The following AHCYL1 variants were observed in gnomAD, a reference collection of about 807,000 sequenced individuals.
AHCYL1 encodes S-adenosylhomocysteine hydrolase-like protein 1.
AHCYL1 carries 20 observed loss-of-function variants against 79.3 expected under a neutral mutation model. The observed-to-expected ratio is 0.25, with a 90% CI of 0.18 to 0.37. The LOEUF (loss-of-function observed/expected upper bound fraction) is 0.37, where lower values mean the gene tolerates loss of function less well. AHCYL1 is among the 10% of genes least tolerant of loss of function. The pLI is 1.00. For synonymous variants in AHCYL1, 223 were observed against 242.2 expected (o/e 0.92, Z 0.74); for missense variants, 330 against 673.6 (o/e 0.49, Z 5.65).
In AHCYL1 at chr1:110,018,429, G is replaced by A. The variant is rs747665671; in HGVS notation, c.1180G>A (p.Val394Ile). The change falls in exon 12 of 17, where the codon GTA (valine) becomes ATA (isoleucine). Residue 394 changes from valine (V) to isoleucine (I), a missense_variant. Physicochemically the swap from Val to Ile is conservative, Grantham distance 29. Around this residue, in one of 6 missense-constraint regions of AHCYL1, gnomAD observed 119 missense variants for 293.3 expected, o/e 0.41. Transcript: ENST00000369799. ...HLDRMKNSCI[V>I]CNMGHSNTEI... ...GGATCGCATGAAAAACAGTTGTATC[G>A]TATGCAATATGGGCCACTCCAACAC... The A allele has an allele frequency of 2.0e-5, 33 of 1,614,042 alleles. No homozygotes were observed. Among genetic ancestry groups the A allele is most frequent in the Non-Finnish European group, 2.5e-5 (29 of 1,180,036 alleles).
At chr1:110,007,199 G>T in intron 1 of AHCYL1, among the ~76,000 whole-genome samples, 1 of 152,100 alleles carries the variant, frequency 6.6e-6, no homozygotes, top group East Asian at 1.9e-4. Flanking sequence ...CTGGGAACAT[G>T]CCCAGAACCC....
At chr1:110,016,855 C>A in intron 9 of AHCYL1, 125 bp downstream of exon 9, 1 of 997,970 alleles carries the variant, frequency 1.0e-6, no homozygotes, top group Non-Finnish European at 1.5e-6. Flanking sequence ...GATAATGTAT[C>A]TCAAACAATA....
intron 13 of AHCYL1, 71 bp from the exon 14 acceptor site, chr1:110,018,980 C>A: frequency 6.8e-7 from 1 of 1,461,476 alleles, no homozygotes; most frequent in Non-Finnish European, 9.6e-7. Flanking sequence ...TCCTCTCCCG[C>A]TTTGGCTTGA....
At chr1:110,004,669 G>A in intron 1 of AHCYL1, among the ~76,000 whole-genome samples, 1 of 152,140 alleles carries the variant, frequency 6.6e-6, no homozygotes. Context: ...TATAGTCCTA[G>A]CTACTCAGGA....
intron 5 of AHCYL1, among the ~76,000 whole-genome samples, chr1:110,013,840 G>T (rs1570884878): frequency 1.5e-5 from 2 of 130,706 alleles, no homozygotes; most frequent in Non-Finnish European, 1.6e-5. Context: ...TTACTCTGTT[G>T]CCCAGGCTGG....
At chr1:110,017,690 G>T in intron 10 of AHCYL1, 107 bp downstream of exon 10, 3 of 1,242,432 alleles carry the variant, frequency 2.4e-6, no homozygotes, top group East Asian at 2.3e-5. Context: ...CCTAGGGGAA[G>T]AGAAGGCTAG....
intron 5 of AHCYL1, among the ~76,000 whole-genome samples, chr1:110,013,665 A>G (rs561566617): frequency 7.2e-5 from 11 of 152,176 alleles, no homozygotes; most frequent in East Asian, 1.9e-4. Flanking sequence ...AGCCGAGATC[A>G]TGCCACTGCA....
chr1:109,986,541 A>C (rs1398015935), intron 1 of AHCYL1, among the ~76,000 whole-genome samples: 1 of 152,218 alleles, frequency 6.6e-6, no homozygotes, highest in African/African-American at 2.4e-5. Context: ...GACCCTTTGC[A>C]ATCTGCACTA....
In AHCYL1 at chr1:110,016,659, T is replaced by C; in HGVS notation, c.900-8T>C. ...ACGTTTGAGTTGAGCCCTTGTCTGTTTCCACAGCCTGAAGAGGACCACAGA... is the reference window on the plus strand; with the variant it reads ...ACGTTTGAGTTGAGCCCTTGTCTGTCTCCACAGCCTGAAGAGGACCACAGA... On this transcript the variant is annotated splice_polypyrimidine_tract_variant and splice_region_variant and intron_variant, in intron 8 of 16. Transcript: ENST00000369799. The C allele has an allele frequency of 6.2e-7, 1 of 1,614,116 alleles. No individual in the cohort carries two copies. The highest frequency in any genetic ancestry group is 8.5e-7 in the Non-Finnish European group (1 of 1,180,010).
At chr1:110,018,938 C>G in intron 13 of AHCYL1, 113 bp from the exon 14 acceptor site, 1 of 985,490 alleles carries the variant, frequency 1.0e-6, no homozygotes, top group South Asian at 1.3e-5. Context: ...TGTAATTCTT[C>G]CTCTTCCAAC....
intron 11 of AHCYL1, 35 bp from the exon 12 acceptor site, chr1:110,018,338 C>T (rs1408765810): frequency 1.2e-6 from 2 of 1,601,230 alleles, no homozygotes; most frequent in African/African-American, 1.3e-5. Context: ...TGTTGCCCGG[C>T]ATCTCTTTCC....
At chr1:110,005,449 T>TG (rs1327150284) in intron 1 of AHCYL1, among the ~76,000 whole-genome samples, 1 of 152,228 alleles carries the variant, frequency 6.6e-6, no homozygotes, top group African/African-American at 2.4e-5. Flanking sequence ...TACTATACTG[T>TG]GGGTCAAAAC....
chr1:109,987,832 T>C (rs560631142), intron 1 of AHCYL1, among the ~76,000 whole-genome samples: 1 of 152,214 alleles, frequency 6.6e-6, no homozygotes, highest in Non-Finnish European at 1.5e-5. Flanking sequence ...GGATATGACC[T>C]TGAGCAAATT....
chr1:110,011,366 AG>A lies in AHCYL1; in HGVS notation c.376+12del, dbSNP rs772008711. ...TGAGATTGCAGAGCAAGGTAAAGAAAGGGAGTGGGTTAGGGGACCAGAAACA... is the reference window on the plus strand; with the variant it reads ...TGAGATTGCAGAGCAAGGTAAAGAAAGGAGTGGGTTAGGGGACCAGAAACA... On this transcript the variant is annotated intron_variant, in intron 3 of 16. Transcript: ENST00000369799. 5.0e-6 allele frequency: 8 copies of A among 1,613,814 alleles called. No individual in the cohort carries two copies. Among genetic ancestry groups the A allele is most frequent in the Non-Finnish European group, 5.9e-6 (7 of 1,179,866 alleles).
chr1:110,013,642 A>G (rs187070943), intron 5 of AHCYL1, among the ~76,000 whole-genome samples: 6 of 151,964 alleles, frequency 3.9e-5, no homozygotes, highest in African/African-American at 1.4e-4. Context: ...CCTGGGAGGC[A>G]GAGGCTGCAG....
chr1:110,019,058 T>C lies in AHCYL1; in HGVS notation c.1325T>C (p.Leu442Pro), dbSNP rs1327138441. ...TCTCTCTTACCTTTCCAGGGTCGTC[T>C]ACTCAATTTGAGCTGCTCCACAGTT... ...KRVVLLAEGR[L>P]LNLSCSTVPT... The change falls in exon 14 of 17, where the codon CTA becomes CCA. Residue 442 changes from leucine to proline, a missense_variant. Transcript: ENST00000369799. 1.2e-6 allele frequency: 2 copies of C among 1,614,194 alleles called. No individual in the cohort carries two copies. Among genetic ancestry groups the C allele is most frequent in the Non-Finnish European group, 1.7e-6 (2 of 1,180,036 alleles).
intron 1 of AHCYL1, among the ~76,000 whole-genome samples, chr1:110,000,728 G>A (rs1287099784): frequency 6.6e-6 from 1 of 150,764 alleles, no homozygotes; most frequent in African/African-American, 2.5e-5. Flanking sequence ...GGGCTTATGG[G>A]TGTTTTTTGT....
chr1:110,018,724 A>T (rs1651591692), intron 13 of AHCYL1, 74 bp downstream of exon 13: 2 of 1,298,416 alleles, frequency 1.5e-6, no homozygotes. Flanking sequence ...AGGGGAGGGA[A>T]ACAAATATTA....
intron 1 of AHCYL1, among the ~76,000 whole-genome samples, chr1:110,002,780 C>T (rs1321218497): frequency 6.6e-6 from 1 of 152,246 alleles, no homozygotes; most frequent in Non-Finnish European, 1.5e-5. Flanking sequence ...AATAGTGGAA[C>T]AACCCGACAT....
Sources: gnomAD v4.1 joint callset for allele counts (sites outside exome capture counted in the v4.1 genomes callset) on GRCh38, gnomAD v4.1.1 for gene constraint, gnomAD v4.1.1 regional missense constraint, MANE v1.5 for transcripts, NCBI Gene and HGNC (gene_info 2026-07-23, HGNC 2026-07-21) for gene names.